The following ITPR1 variants were observed in gnomAD, a reference collection of about 807,000 sequenced individuals.
ITPR1 encodes the protein inositol 1,4,5-trisphosphate-gated calcium channel ITPR1.
In ITPR1, 96 loss-of-function variants were observed where a neutral mutation model predicts 318.4. That is an observed-to-expected ratio of 0.30 (90% confidence interval 0.26 to 0.36). ITPR1 has a LOEUF of 0.36. Among genes scored for constraint, ITPR1 ranks in the 10% least tolerant of loss-of-function variants. ITPR1 has a pLI of 1.00. For synonymous variants in ITPR1, 1,312 were observed against 1,289.9 expected (o/e 1.02, Z -0.37); for missense variants, 2,440 against 3,460.2 (o/e 0.71, Z 7.40).
chr3:4,504,003 G>C (rs2124883899), intron 2 of ITPR1, among the ~76,000 whole-genome samples: 1 of 152,070 alleles, frequency 6.6e-6, no homozygotes, highest in South Asian at 2.1e-4. Flanking sequence ...CATCAGCTGT[G>C]TGACCTCCAA....
Position 4,795,133 on chromosome 3 carries a change from G to A in ITPR1, c.6877G>A (p.Val2293Ile), listed in dbSNP as rs779313917. The stretch of plus-strand genomic sequence containing the variant: ...GAGCAGCATTTCGTTTAACCTGGCC[G>A]TCCTGATGAACCTGCTGGTGGCGTT... ...FWSSISFNLA[V>I]LMNLLVAFFY... The change falls in exon 53 of 62, where the codon GTC becomes ATC. Residue 2293 changes from valine (V) to isoleucine (I), a missense_variant. Physicochemically the swap from Val to Ile is conservative, Grantham distance 29. Transcript: ENST00000649015. The A allele has an allele frequency of 5.0e-6, 8 of 1,613,778 alleles. No homozygotes were observed. The highest frequency in any genetic ancestry group is 6.8e-6 in the Non-Finnish European group (8 of 1,179,814).
At chr3:4,509,438 A>G (rs1215439842) in intron 2 of ITPR1, among the ~76,000 whole-genome samples, 3 of 152,234 alleles carry the variant, frequency 2.0e-5, no homozygotes, top group African/African-American at 7.2e-5. Context: ...AGGGCCAAGT[A>G]GGTTTCTGTT....
rs962276578 is a variant in ITPR1, at chr3:4,846,612, T to G, written c.*387T>G. On this transcript the variant is annotated 3_prime_UTR_variant, in exon 62 of 62. Coordinates refer to ENST00000649015, the MANE Select transcript of ITPR1 (RefSeq NM_001378452.1). ...ATACGAATTATGCAATCACAATACA[T>G]TTGTAGCTCCCGAGTGTCCTAAAGG... The G allele has an allele frequency of 6.4e-6, 1 of 157,124 alleles. No homozygotes were observed. The highest frequency in any genetic ancestry group is 1.4e-5 in the Non-Finnish European group (1 of 70,850). The allele number at this position is 157,124 out of a possible 1,614,324, so 9.7% of individuals were successfully genotyped here.
At chr3:4,590,601 A>C (rs2090319479) in intron 4 of ITPR1, among the ~76,000 whole-genome samples, 1 of 151,586 alleles carries the variant, frequency 6.6e-6, no homozygotes, top group Non-Finnish European at 1.5e-5. Context: ...ATTATTACAG[A>C]CTGGGACTCA....
At chr3:4,673,048 C>T in intron 20 of ITPR1, 88 bp from the exon 21 acceptor site, 1 of 1,415,146 alleles carries the variant, frequency 7.1e-7, no homozygotes. Context: ...ATGTCACTCC[C>T]ATGACAGTCA....
intron 37 of ITPR1, among the ~76,000 whole-genome samples, chr3:4,708,351 A>G (rs896022342): frequency 9.2e-5 from 14 of 152,214 alleles, no homozygotes; most frequent in African/African-American, 3.4e-4. Flanking sequence ...AACTTGACCT[A>G]TGAAACCCTG....
intron 5 of ITPR1, among the ~76,000 whole-genome samples, chr3:4,638,883 G>A (rs2093268979): frequency 6.6e-6 from 1 of 152,176 alleles, no homozygotes; most frequent in Non-Finnish European, 1.5e-5. Context: ...TGGAGTTCAT[G>A]TGAGGTGCAG....
intron 16 of ITPR1, 88 bp downstream of exon 16, chr3:4,663,294 TG>T (rs2093876992): frequency 5.4e-6 from 7 of 1,292,792 alleles, no homozygotes; most frequent in Non-Finnish European, 7.4e-6. Context: ...CCCAGCACTT[TG>T]GGAAGCCGAG....
intron 4 of ITPR1, among the ~76,000 whole-genome samples, chr3:4,589,811 T>C (rs563858799): frequency 3.7e-4 from 57 of 152,174 alleles, no homozygotes; most frequent in African/African-American, 1.1e-3. Flanking sequence ...ATGCCTGGGA[T>C]ACATCACAGA....
At chr3:4,559,189 A>T (rs544949130) in intron 4 of ITPR1, among the ~76,000 whole-genome samples, 1 of 151,582 alleles carries the variant, frequency 6.6e-6, no homozygotes, top group African/African-American at 2.4e-5. Context: ...TAGTTAATAC[A>T]TTCAAGTCAG....
In ITPR1 at chr3:4,667,540, G is replaced by A; in HGVS notation, c.1877G>A (p.Arg626Lys). Residue 626 changes from arginine (R) to lysine (K), a missense_variant, in exon 18 of 62, where the codon AGG (arginine) becomes AAG (lysine). Around this residue, in one of 23 missense-constraint regions of ITPR1, gnomAD observed 478 missense variants for 696.3 expected, o/e 0.69. Transcript: ENST00000649015. ...DTFVSLVRKN[R>K]EPRFLDYLSD... ...TTTGTCAGCCTGGTGCGAAAGAACAGGGAGCCCAGGTGAGGCGGGAGTGGG... is the reference window on the plus strand; with the variant it reads ...TTTGTCAGCCTGGTGCGAAAGAACAAGGAGCCCAGGTGAGGCGGGAGTGGG... 1 of 1,612,940 alleles carries A rather than the reference G, an allele frequency of 6.2e-7. No homozygotes were observed. Among genetic ancestry groups the A allele is most frequent in the Non-Finnish European group, 8.5e-7 (1 of 1,179,416 alleles).
chr3:4,652,120 C>A lies in ITPR1; in HGVS notation c.856-3C>A. On this transcript the variant is annotated splice_polypyrimidine_tract_variant and splice_region_variant and intron_variant, in intron 10 of 61. Transcript: ENST00000649015. ...CATTGACTCCTGTTGATCATTCTTG[C>A]AGGTGGTCCAGCATGACCCATGTCG... 6.2e-7 allele frequency: 1 copy of A among 1,608,358 alleles called. No individual in the cohort carries two copies. The highest frequency in any genetic ancestry group is 8.5e-7 in the Non-Finnish European group (1 of 1,176,636).
chr3:4,684,492 G>A (rs1282280354), intron 29 of ITPR1, 146 bp downstream of exon 29: 2 of 634,814 alleles, frequency 3.2e-6, no homozygotes, highest in Non-Finnish European at 5.6e-6. Flanking sequence ...CAGAGGTTAA[G>A]CTCATGGGTT....
chr3:4,516,410 G>T, intron 2 of ITPR1, 66 bp from the exon 3 acceptor site: 1 of 844,542 alleles, frequency 1.2e-6, no homozygotes, highest in Non-Finnish European at 1.8e-6. Flanking sequence ...CCAACTCTTA[G>T]TGACTTTTTT....
intron 18 of ITPR1, among the ~76,000 whole-genome samples, chr3:4,668,945 C>G (rs1436176155): frequency 5.3e-5 from 8 of 152,236 alleles, no homozygotes; most frequent in Admixed American, 5.2e-4. Context: ...CTCCCCATTT[C>G]TTTCCCCTTC....
intron 60 of ITPR1, chr3:4,831,129 T>TCACACACACACA (rs879055532): frequency 0.01 from 3,335 of 323,972 alleles, 99 homozygotes; most frequent in African/African-American, 0.069. Flanking sequence ...TCTCTCTCTC[T>TCACACACACACA]CTCACACACA....
rs1289334518 is a variant in ITPR1 at position 4,846,934 on chromosome 3, A to G, written c.*709A>G. The G allele has an allele frequency of 6.5e-6, 1 of 152,672 alleles. No homozygotes were observed. The highest frequency in any genetic ancestry group is 2.4e-5 in the African/African-American group (1 of 41,462). The allele number at this position is 152,672 out of a possible 1,614,324, so 9.5% of individuals were successfully genotyped here. A position where few individuals can be genotyped will look rare whatever the true frequency, so the allele number is the denominator to read the frequency against. On this transcript the variant is annotated 3_prime_UTR_variant, in exon 62 of 62. Coordinates refer to ENST00000649015, the MANE Select transcript of ITPR1 (RefSeq NM_001378452.1). ...ATCATTTAAACTATTTCTTTAAATA[A>G]GAGAGCCAAATTAGAGGCTCATACT...
At chr3:4,795,465 A>C (rs149385487) in intron 53 of ITPR1, among the ~76,000 whole-genome samples, 30 of 152,220 alleles carry the variant, frequency 2.0e-4, no homozygotes, top group Non-Finnish European at 4.0e-4. Context: ...CCCTTCTTTT[A>C]TATATGAGGA....
intron 10 of ITPR1, among the ~76,000 whole-genome samples, chr3:4,646,852 A>C (rs1292479306): frequency 6.6e-6 from 1 of 152,080 alleles, no homozygotes. Flanking sequence ...TGAATAGATA[A>C]ATTTTTCTGT....
Sources: gnomAD v4.1 joint callset for allele counts (sites outside exome capture counted in the v4.1 genomes callset) on GRCh38, gnomAD v4.1.1 for gene constraint, gnomAD v4.1.1 regional missense constraint, MANE v1.5 for transcripts, NCBI Gene and HGNC (gene_info 2026-07-23, HGNC 2026-07-21) for gene names.